The following XRRA1 variants were observed in gnomAD, a reference collection of about 807,000 sequenced individuals.
XRRA1 encodes X-ray radiation resistance associated 1, also known as X-ray radiation resistance-associated protein 1.
Under a neutral mutation model 80.2 loss-of-function variants are expected in XRRA1, and 69 were observed. The observed-to-expected ratio is 0.86, with a 90% CI of 0.71 to 1.05. The LOEUF (loss-of-function observed/expected upper bound fraction) is 1.05, where lower values mean the gene tolerates loss of function less well. Ranked by LOEUF, XRRA1 falls within the 50% of genes least tolerant of loss-of-function variation. The probability of loss-of-function intolerance (pLI) is 0.00; values close to 1 mark genes in which losing one functional copy is unlikely to be tolerated. For synonymous variants in XRRA1, 348 were observed against 389.9 expected, an observed-to-expected ratio of 0.89 and a Z score of 1.27; for missense variants, 967 against 976.4, an observed-to-expected ratio of 0.99 and a Z score of 0.13.
intron 10 of XRRA1, among the ~76,000 whole-genome samples, chr11:74,880,165 G>A (rs1231460464): frequency 6.6e-6 from 1 of 152,178 alleles, no homozygotes; most frequent in Non-Finnish European, 1.5e-5. Flanking sequence ...TCTATTCAGA[G>A]ATTCAACTTC....
chr11:74,900,389 C>G (rs2053345704), intron 10 of XRRA1, among the ~76,000 whole-genome samples: 1 of 151,888 alleles, frequency 6.6e-6, no homozygotes, highest in Non-Finnish European at 1.5e-5. Flanking sequence ...TCAAGACCAG[C>G]CTGATCAACA....
At chr11:74,937,964 C>A (rs942808543) in intron 3 of XRRA1, among the ~76,000 whole-genome samples, 1 of 152,208 alleles carries the variant, frequency 6.6e-6, no homozygotes, top group African/African-American at 2.4e-5. Context: ...CCCCTGCCCA[C>A]ACAGTCATCC....
At chr11:74,849,612 G>C (rs78680555) in intron 14 of XRRA1, among the ~76,000 whole-genome samples, 1,921 of 152,254 alleles carry the variant, frequency 0.013, 17 homozygotes, top group Non-Finnish European at 0.02. Context: ...CTCTGTGAGA[G>C]AGATGTGCTA....
Position 74,888,676 on chromosome 11 carries a change from A to T in XRRA1, c.1003+17563T>A, listed in dbSNP as rs187754962. ...AAGAAGTTAAAAACCTTGAAAAAGA[A>T]TTAGACGAATGACTAACTAGAATAA... On this transcript the variant is annotated intron_variant, in intron 10 of 18. Coordinates refer to ENST00000684022, the MANE Select transcript of XRRA1 (RefSeq NM_001378157.1). Among the ~76,000 whole-genome samples the T allele has an allele frequency of 5.3e-5, 8 of 152,324 alleles. No individual in the cohort carries two copies. In the East Asian group the frequency reaches 1.5e-3, roughly 29 times the overall value.
intron 10 of XRRA1, among the ~76,000 whole-genome samples, chr11:74,892,880 G>A (rs1332237578): frequency 1.3e-5 from 2 of 151,510 alleles, no homozygotes; most frequent in Non-Finnish European, 3.0e-5. Context: ...CAGTTAGAAT[G>A]GTGATCATTA....
intron 10 of XRRA1, among the ~76,000 whole-genome samples, chr11:74,884,966 A>G (rs1172848192): frequency 6.6e-6 from 1 of 152,212 alleles, no homozygotes; most frequent in Non-Finnish European, 1.5e-5. Context: ...GCAAAAAACT[A>G]TTCAAAAGAT....
intron 10 of XRRA1, among the ~76,000 whole-genome samples, chr11:74,879,925 T>C (rs2047084723): frequency 6.6e-6 from 1 of 152,098 alleles, no homozygotes; most frequent in African/African-American, 2.4e-5. Context: ...TCTAAAATTC[T>C]CTTTTTTTGC....
intron 10 of XRRA1, chr11:74,863,972 T>A (rs2042856171): frequency 6.6e-6 from 1 of 152,050 alleles, no homozygotes; most frequent in Admixed American, 6.6e-5. Context: ...CATCCTGCTC[T>A]CCCCACAATC....
At chr11:74,859,707 G>C (rs1385462977) in intron 11 of XRRA1, among the ~76,000 whole-genome samples, 2 of 152,058 alleles carry the variant, frequency 1.3e-5, no homozygotes, top group Non-Finnish European at 2.9e-5. Flanking sequence ...AATTTTTCTA[G>C]GGAGGAGAGG....
intron 12 of XRRA1, 72 bp downstream of exon 12, chr11:74,859,086 T>C (rs1040062151): frequency 2.5e-5 from 37 of 1,481,570 alleles, no homozygotes; most frequent in Non-Finnish European, 3.2e-5. Context: ...GGTTGGTTTT[T>C]AGGCCAGAGC....
At chr11:74,860,283 A>C (rs763305153) in intron 11 of XRRA1, among the ~76,000 whole-genome samples, 1 of 152,244 alleles carries the variant, frequency 6.6e-6, no homozygotes, top group Non-Finnish European at 1.5e-5. Flanking sequence ...CGCCTCTCCC[A>C]GTGATCCCAA....
intron 10 of XRRA1, among the ~76,000 whole-genome samples, chr11:74,895,876 C>G (rs2052177262): frequency 6.6e-6 from 1 of 152,168 alleles, no homozygotes; most frequent in Admixed American, 6.5e-5. Context: ...TCACATGGCC[C>G]TTGATAACCC....
chr11:74,855,800 TATTA>T (rs1246894662), intron 12 of XRRA1, among the ~76,000 whole-genome samples: 4 of 152,234 alleles, frequency 2.6e-5, no homozygotes, highest in African/African-American at 7.2e-5. Flanking sequence ...ATAAATTGAA[TATTA>T]ATTTCAACAC....
chr11:74,882,110 C>G (rs567181407), intron 10 of XRRA1, among the ~76,000 whole-genome samples: 52 of 152,146 alleles, frequency 3.4e-4, no homozygotes, highest in Admixed American at 1.8e-3. Context: ...TGTTTTCCAA[C>G]TTGGTTCCAT....
chr11:74,885,101 A>T (rs1218071990), intron 10 of XRRA1, among the ~76,000 whole-genome samples: 1 of 152,176 alleles, frequency 6.6e-6, no homozygotes, highest in East Asian at 1.9e-4. Flanking sequence ...TTGTCTCTAC[A>T]AAATATCAAA....
At chr11:74,899,671 C>G (rs190390049) in intron 10 of XRRA1, among the ~76,000 whole-genome samples, 2 of 152,182 alleles carry the variant, frequency 1.3e-5, no homozygotes, top group Admixed American at 1.3e-4. Flanking sequence ...TGGATAAATT[C>G]TAGACATATA....
At chr11:74,919,734 C>A in intron 8 of XRRA1, 1 of 463,226 alleles carries the variant, frequency 2.2e-6, no homozygotes, top group South Asian at 1.9e-5. Flanking sequence ...CAAAGAGATT[C>A]GGAAATTTGT....
chr11:74,877,813 T>C (rs1224813242), intron 10 of XRRA1, among the ~76,000 whole-genome samples: 1 of 152,260 alleles, frequency 6.6e-6, no homozygotes, highest in South Asian at 2.1e-4. Context: ...TATGGCTGCA[T>C]AGTATTCTAT....
At chr11:74,926,640 C>T (rs1013326055) in intron 7 of XRRA1, among the ~76,000 whole-genome samples, 1 of 152,064 alleles carries the variant, frequency 6.6e-6, no homozygotes, top group African/African-American at 2.4e-5. Flanking sequence ...AAGCTTTGTT[C>T]CTTTGTAAAA....
Sources: gnomAD v4.1 joint callset for allele counts (sites outside exome capture counted in the v4.1 genomes callset) on GRCh38, gnomAD v4.1.1 for gene constraint, MANE v1.5 for transcripts, NCBI Gene and HGNC (gene_info 2026-07-23, HGNC 2026-07-21) for gene names.